The following PTPRZ1 variants were observed in gnomAD, a reference collection of about 807,000 sequenced individuals.
PTPRZ1 encodes the protein receptor-type tyrosine-protein phosphatase zeta.
PTPRZ1 carries 82 observed loss-of-function variants against 214.1 expected under a neutral mutation model. The observed-to-expected ratio is 0.38, with a 90% CI of 0.32 to 0.46. The LOEUF is 0.46. Among genes scored for constraint, PTPRZ1 ranks in the 20% least tolerant of loss-of-function variants. PTPRZ1 has a pLI of 1.00. For missense variants in PTPRZ1, 2,603 were observed against 2,748.7 expected (o/e 0.95, Z 1.19); for synonymous variants, 945 against 987.9 (o/e 0.96, Z 0.81).
rs765553966 is a variant in PTPRZ1, at chr7:121,972,700, A to G, written c.456+8A>G. The G allele has an allele frequency of 2.3e-5, 36 of 1,596,506 alleles. No individual in the cohort carries two copies. The African/African-American group carries it at 3.6e-4, about 16-fold the overall frequency. ...CAAAAATTTCCACTTGAGGTAAGTC[A>G]GGAGATCTGCTGTGTACTATTTTAT... On this transcript the variant is annotated splice_region_variant and intron_variant, in intron 4 of 29. Coordinates refer to ENST00000393386, the MANE Select transcript of PTPRZ1 (RefSeq NM_002851.3).
At chr7:121,988,723 C>A (rs1297353740) in intron 8 of PTPRZ1, among the ~76,000 whole-genome samples, 4 of 152,050 alleles carry the variant, frequency 2.6e-5, no homozygotes, top group African/African-American at 9.7e-5. Context: ...TTGGCCAAAG[C>A]TTACTCATGT....
At chr7:121,901,924 C>T (rs188748752) in intron 1 of PTPRZ1, among the ~76,000 whole-genome samples, 4 of 152,260 alleles carry the variant, frequency 2.6e-5, no homozygotes, top group Admixed American at 1.3e-4. Flanking sequence ...TATAGTCACC[C>T]TACTGTGCAG....
chr7:122,021,884 T>G (rs1207697832), intron 13 of PTPRZ1, among the ~76,000 whole-genome samples: 1 of 152,222 alleles, frequency 6.6e-6, no homozygotes, highest in Non-Finnish European at 1.5e-5. Flanking sequence ...GTTAATTCAC[T>G]AAAAAATATA....
At chr7:122,048,361 A>T (rs979169213) in intron 23 of PTPRZ1, among the ~76,000 whole-genome samples, 3 of 151,902 alleles carry the variant, frequency 2.0e-5, no homozygotes, top group Non-Finnish European at 4.4e-5. Flanking sequence ...TATTGAGATT[A>T]AAAAAAGAGA....
chr7:121,983,920 C>G, intron 7 of PTPRZ1, 47 bp from the exon 8 acceptor site: 1 of 1,595,680 alleles, frequency 6.3e-7, no homozygotes, highest in South Asian at 1.1e-5. Flanking sequence ...AAGCATTTAC[C>G]AATGCCTTTG....
intron 1 of PTPRZ1, among the ~76,000 whole-genome samples, chr7:121,879,118 G>A (rs560241198): frequency 1.7e-4 from 26 of 152,300 alleles, no homozygotes; most frequent in African/African-American, 6.3e-4. Context: ...ATTAATGCCT[G>A]TACAAGCATT....
intron 1 of PTPRZ1, among the ~76,000 whole-genome samples, chr7:121,904,459 T>G (rs1389316468): frequency 1.3e-5 from 2 of 152,216 alleles, no homozygotes; most frequent in Non-Finnish European, 2.9e-5. Flanking sequence ...GATATTCACC[T>G]TGTGGACCAG....
chr7:121,972,419 A>C, intron 3 of PTPRZ1, 122 bp from the exon 4 acceptor site: 1 of 1,065,672 alleles, frequency 9.4e-7, no homozygotes, highest in Non-Finnish European at 1.3e-6. Flanking sequence ...TGGCGACTTC[A>C]TATTTTGTAA....
chr7:122,058,901 A>G lies in PTPRZ1; in HGVS notation c.6630A>G (p.Glu2210=). 1 of 1,593,842 alleles carries G rather than the reference A, an allele frequency of 6.3e-7. No homozygotes were observed. The highest frequency in any genetic ancestry group is 8.6e-7 in the Non-Finnish European group (1 of 1,161,768). ...TTGAACTTATAAGTGTTATAAAAGAAGAAGCTGCCAATAGGGATGGGCCTA... is the reference window on the plus strand; with the variant it reads ...TTGAACTTATAAGTGTTATAAAAGAGGAAGCTGCCAATAGGGATGGGCCTA... ...KTFELISVIK[E]EAANRDGPMI... Residue 2210 remains glutamate (E), a synonymous_variant, in exon 28 of 30, where the codon GAA becomes GAG. Transcript: ENST00000393386.
chr7:122,058,572 T>C (rs1174482866), intron 27 of PTPRZ1, among the ~76,000 whole-genome samples: 1 of 152,088 alleles, frequency 6.6e-6, no homozygotes, highest in Non-Finnish European at 1.5e-5. Flanking sequence ...ATTTTTAGAA[T>C]AAAAAAAGAA....
Position 121,897,592 on chromosome 7 carries a change from A to G in PTPRZ1, c.58+24035A>G, listed in dbSNP as rs1160218611. Among the ~76,000 whole-genome samples the G allele has an allele frequency of 2.6e-5, 4 of 152,146 alleles. No homozygotes were observed. In the East Asian group the frequency reaches 5.8e-4, roughly 22 times the overall value. On this transcript the variant is annotated intron_variant, in intron 1 of 29. Transcript: ENST00000393386. ...ACTCTCTGTCACTGCCCATCTTAAT[A>G]TACATATTTCACCAAAATCCCTCCT...
chr7:121,932,119 G>A (rs1795944256), intron 2 of PTPRZ1, among the ~76,000 whole-genome samples: 1 of 152,052 alleles, frequency 6.6e-6, no homozygotes, highest in Admixed American at 6.6e-5. Context: ...ACAACCCTTC[G>A]TTTAGCTCAA....
intron 23 of PTPRZ1, 98 bp from the exon 24 acceptor site, chr7:122,051,330 G>A: frequency 1.4e-6 from 1 of 703,762 alleles, no homozygotes; most frequent in Non-Finnish European, 2.3e-6. Flanking sequence ...ATCTTATCTT[G>A]ATTGGTGTGT....
Position 121,979,344 on chromosome 7 carries a change from G to A in PTPRZ1, c.619+2493G>A, listed in dbSNP as rs3757542. On this transcript the variant is annotated intron_variant, in intron 6 of 29. Coordinates refer to ENST00000393386, the MANE Select transcript of PTPRZ1 (RefSeq NM_002851.3). Reference sequence around the variant, plus strand: ...TTTCCAAGCAGAGCCCACAAAAGACGTTAGTTGCAATCTTTCGAGTTGCAG... The same window carrying A: ...TTTCCAAGCAGAGCCCACAAAAGACATTAGTTGCAATCTTTCGAGTTGCAG... Among the ~76,000 whole-genome samples, 1,155 of 152,216 alleles carry A rather than the reference G, an allele frequency of 7.6e-3. 41 individuals carry two copies. The East Asian group carries it at 0.08, about 11-fold the overall frequency.
rs1344164199 is a variant in PTPRZ1 at position 122,031,479 on chromosome 7, G to A, written c.5086G>A (p.Val1696Ile). 6.2e-7 allele frequency: 1 copy of A among 1,610,246 alleles called. No individual in the cohort carries two copies. Among genetic ancestry groups the A allele is most frequent in the Non-Finnish European group, 8.5e-7 (1 of 1,177,424 alleles). ...PTPIFPISDD[V>I]GAIPIKHFPK... The stretch of plus-strand genomic sequence containing the variant: ...CAATTTTTTTATTCACGTAGATGAT[G>A]TCGGAGCAATTCCAATAAAGCACTT... Residue 1696 changes from valine to isoleucine, a missense_variant, in exon 15 of 30, where the codon GTC becomes ATC. Coordinates refer to ENST00000393386, the MANE Select transcript of PTPRZ1 (RefSeq NM_002851.3).
intron 11 of PTPRZ1, among the ~76,000 whole-genome samples, chr7:122,009,759 C>T (rs531379259): frequency 6.6e-5 from 10 of 152,136 alleles, no homozygotes; most frequent in African/African-American, 2.4e-4. Context: ...TTTGAAATAT[C>T]TGCCTAAGTC....
rs756346629 is a variant in PTPRZ1 at position 122,058,909 on chromosome 7, C to G, written c.6638C>G (p.Ala2213Gly). The G allele has an allele frequency of 3.1e-6, 5 of 1,592,532 alleles. No individual in the cohort carries two copies. In the Admixed American group the frequency reaches 6.7e-5, roughly 21 times the overall value. The change falls in exon 28 of 30, where the codon GCC becomes GGC. Residue 2213 changes from alanine to glycine, a missense_variant. Ala to Gly is a moderately conservative substitution (Grantham distance 60). Around this residue, in one of 6 missense-constraint regions of PTPRZ1, gnomAD observed 165 missense variants for 151.4 expected, o/e 1.09. Coordinates refer to ENST00000393386, the MANE Select transcript of PTPRZ1 (RefSeq NM_002851.3). ...ATAAGTGTTATAAAAGAAGAAGCTGCCAATAGGGATGGGCCTATGATTGTT... is the reference window on the plus strand; with the variant it reads ...ATAAGTGTTATAAAAGAAGAAGCTGGCAATAGGGATGGGCCTATGATTGTT... The part of the protein sequence containing the change: ...ELISVIKEEA[A>G]NRDGPMIVHD...
chr7:121,878,850 T>C (rs1442746014), intron 1 of PTPRZ1, among the ~76,000 whole-genome samples: 5 of 152,104 alleles, frequency 3.3e-5, no homozygotes, highest in African/African-American at 4.8e-5. Context: ...AAATCTTTAA[T>C]GTATAAGGTT....
At position 121,881,270 on chromosome 7, in the gene PTPRZ1, T is replaced by G. The variant is rs566344993; in HGVS notation, c.58+7713T>G. Among the ~76,000 whole-genome samples the G allele has an allele frequency of 2.0e-5, 3 of 152,354 alleles. No individual in the cohort carries two copies. In the South Asian group the frequency reaches 6.2e-4, roughly 32 times the overall value. Reference sequence around the variant, plus strand: ...AATCAAATCTGCTGGCCTTTTGATCTTAAACTTCCCAGCCTCCATATCTGT... The same window carrying G: ...AATCAAATCTGCTGGCCTTTTGATCGTAAACTTCCCAGCCTCCATATCTGT... On this transcript the variant is annotated intron_variant, in intron 1 of 29. Transcript: ENST00000393386.
Sources: gnomAD v4.1 joint callset for allele counts (sites outside exome capture counted in the v4.1 genomes callset) on GRCh38, gnomAD v4.1.1 for gene constraint, gnomAD v4.1.1 regional missense constraint, MANE v1.5 for transcripts, NCBI Gene and HGNC (gene_info 2026-07-23, HGNC 2026-07-21) for gene names.